Variants in PPP1R37 observed in about 807,000 individuals in gnomAD.
PPP1R37 encodes the protein protein phosphatase 1 regulatory subunit 37.
PPP1R37 carries 21 observed loss-of-function variants against 61.0 expected under a neutral mutation model. The ratio of observed to expected loss-of-function variants is 0.34; its 90% CI spans 0.24 to 0.50. The LOEUF (loss-of-function observed/expected upper bound fraction) is 0.50. Ranked by LOEUF, PPP1R37 falls within the 20% of genes least tolerant of loss-of-function variation. The probability of loss-of-function intolerance (pLI) is 0.98; values close to 1 mark genes in which losing one functional copy is unlikely to be tolerated. For missense variants in PPP1R37, 910 were observed against 952.7 expected (o/e 0.96, Z 0.59); for synonymous variants, 443 against 433.5 (o/e 1.02, Z -0.27).
At chr19:45,132,297 T>C (rs1968487531) in intron 1 of PPP1R37, among the ~76,000 whole-genome samples, 1 of 152,000 alleles carries the variant, frequency 6.6e-6, no homozygotes, top group African/African-American at 2.4e-5. Context: ...TAAGGAGCAG[T>C]TACGTATTTT....
chr19:45,098,083 G>C (rs1968016586), intron 1 of PPP1R37, among the ~76,000 whole-genome samples: 1 of 152,224 alleles, frequency 6.6e-6, no homozygotes, highest in South Asian at 2.1e-4. Flanking sequence ...AACCTGCTGG[G>C]GGCAGGTCTC....
At chr19:45,144,801 G>C in intron 8 of PPP1R37, 53 bp from the exon 9 acceptor site, 8 of 1,439,878 alleles carry the variant, frequency 5.6e-6, no homozygotes, top group Non-Finnish European at 7.4e-6. Flanking sequence ...TGGCCTCCTG[G>C]GTCTCCTCCG....
chr19:45,127,897 C>T (rs12461749), intron 1 of PPP1R37, among the ~76,000 whole-genome samples: 4,422 of 150,832 alleles, frequency 0.029, 216 homozygotes, highest in African/African-American at 0.1. Context: ...ATCCCTTGAA[C>T]CCGGGAGGCA....
intron 1 of PPP1R37, among the ~76,000 whole-genome samples, chr19:45,097,148 T>G (rs889892368): frequency 6.6e-6 from 1 of 151,098 alleles, no homozygotes; most frequent in Non-Finnish European, 1.5e-5. Flanking sequence ...GCCCAGAGGG[T>G]CTGGGGCTGG....
At position 45,145,576 on chromosome 19, in the gene PPP1R37, C is replaced by G. The variant is rs1968681466; in HGVS notation, c.1520C>G (p.Ser507Ter). Residue 507 changes from serine (S) to a stop codon, truncating the protein, a stop_gained, in exon 11 of 13, where the codon TCA becomes TGA. Coordinates refer to ENST00000221462, the MANE Select transcript of PPP1R37 (RefSeq NM_019121.2). LOFTEE classifies it high-confidence loss of function. ...CCCGCACCCAGCCCGGACTCAGACT[C>G]AGACTCGGACTCGGATGGGGAGGAA... The part of the protein sequence containing the change: ...PSPAPSPDSD[S>*]DSDSDGEEEE... 1 of 1,535,738 alleles carries G rather than the reference C, an allele frequency of 6.5e-7. No homozygotes were observed. Among genetic ancestry groups the G allele is most frequent in the Non-Finnish European group, 8.7e-7 (1 of 1,146,780 alleles).
At chr19:45,146,531 C>G (rs997453695) in intron 12 of PPP1R37, 40 bp from the exon 13 acceptor site, 8 of 1,294,924 alleles carry the variant, frequency 6.2e-6, no homozygotes, top group Non-Finnish European at 8.6e-6. Flanking sequence ...GAGAGAGCCT[C>G]TGGCTCTGAC....
At chr19:45,119,786 G>A (rs1420652141) in intron 1 of PPP1R37, among the ~76,000 whole-genome samples, 1 of 152,134 alleles carries the variant, frequency 6.6e-6, no homozygotes, top group East Asian at 1.9e-4. Context: ...CATGAGAGGT[G>A]GTGGGTGTGG....
chr19:45,140,695 G>A, intron 4 of PPP1R37, 89 bp downstream of exon 4: 1 of 995,006 alleles, frequency 1.0e-6, no homozygotes, highest in Non-Finnish European at 1.5e-6. Context: ...CAGGAGGAGG[G>A]GGTCCCCTAG....
Position 45,093,355 on chromosome 19 carries a change from C to G in PPP1R37, c.30C>G (p.Pro10=), listed in dbSNP as rs945436424. The G allele has an allele frequency of 1.3e-6, 2 of 1,505,392 alleles. No homozygotes were observed. Among genetic ancestry groups the G allele is most frequent in the African/African-American group, 1.4e-5 (1 of 70,162 alleles). 93.3% of individuals were successfully genotyped at this position (1,505,392 alleles called of 1,614,324 possible). Residue 10 remains proline (P), a synonymous_variant, in exon 1 of 13, where the codon CCC becomes CCG. Transcript: ENST00000221462. MEIAPQEAP[P]VPGADGDIEE... ...AGATCGCGCCGCAGGAGGCGCCGCCCGTGCCGGGCGCGGACGGCGACATTG... is the reference window on the plus strand; with the variant it reads ...AGATCGCGCCGCAGGAGGCGCCGCCGGTGCCGGGCGCGGACGGCGACATTG...
chr19:45,146,510 C>G (rs975848560), intron 12 of PPP1R37, 30 bp downstream of exon 12: 25 of 1,457,880 alleles, frequency 1.7e-5, no homozygotes, highest in Admixed American at 4.0e-5. Flanking sequence ...CCACAGCACT[C>G]GGGAGGAGCT....
At chr19:45,141,109 G>T (rs748959915) in intron 4 of PPP1R37, among the ~76,000 whole-genome samples, 20 of 152,184 alleles carry the variant, frequency 1.3e-4, no homozygotes, top group Non-Finnish European at 2.8e-4. Context: ...ACTTTGGAGG[G>T]CAAGTGACAG....
At chr19:45,140,778 T>G (rs1968601078) in intron 4 of PPP1R37, 172 bp downstream of exon 4, 2 of 603,346 alleles carry the variant, frequency 3.3e-6, no homozygotes, top group African/African-American at 3.7e-5. Context: ...ATGACCAGAG[T>G]GGATGTGGAG....
At chr19:45,116,141 C>T (rs909466181) in intron 1 of PPP1R37, among the ~76,000 whole-genome samples, 6 of 152,210 alleles carry the variant, frequency 3.9e-5, no homozygotes, top group Non-Finnish European at 7.3e-5. Context: ...AGGGAAGGTG[C>T]GCCCAATCTG....
chr19:45,117,132 C>T (rs1308592919), intron 1 of PPP1R37, among the ~76,000 whole-genome samples: 4 of 151,982 alleles, frequency 2.6e-5, no homozygotes, highest in East Asian at 1.9e-4. Flanking sequence ...AGGCTGGTCT[C>T]GAACTCCTGA....
chr19:45,131,987 A>T (rs1286438480), intron 1 of PPP1R37, among the ~76,000 whole-genome samples: 3 of 152,058 alleles, frequency 2.0e-5, no homozygotes, highest in African/African-American at 7.2e-5. Context: ...CAGGCCAGGG[A>T]TGGAACTCAG....
At chr19:45,135,089 A>ATT (rs1968522251) in intron 1 of PPP1R37, among the ~76,000 whole-genome samples, 1 of 152,172 alleles carries the variant, frequency 6.6e-6, no homozygotes, top group Non-Finnish European at 1.5e-5. Context: ...CTCTACTAAA[A>ATT]ATGCAAAAAT....
intron 1 of PPP1R37, among the ~76,000 whole-genome samples, chr19:45,105,528 C>G (rs976374850): frequency 6.6e-6 from 1 of 152,168 alleles, no homozygotes; most frequent in African/African-American, 2.4e-5. Context: ...GATAATTGAT[C>G]TGCCGTGTAC....
At chr19:45,105,794 G>A (rs935029120) in intron 1 of PPP1R37, among the ~76,000 whole-genome samples, 17 of 152,216 alleles carry the variant, frequency 1.1e-4, no homozygotes, top group Non-Finnish European at 2.9e-5. Flanking sequence ...TGCTGGACAA[G>A]TCCCAGGGGG....
In PPP1R37 at chr19:45,121,208, G is replaced by A. The variant is rs1968338634; in HGVS notation, c.203-17306G>A. On this transcript the variant is annotated intron_variant, in intron 1 of 12. Transcript: ENST00000221462. The surrounding 1 kb of genome is among the most constrained non-coding windows in gnomAD (Gnocchi z 4.2). The stretch of plus-strand genomic sequence containing the variant: ...TGCCACTGGGGATTGTAGGAGTGGT[G>A]GGAGAGCGTGGGGATGATTACTGTT... Among the ~76,000 whole-genome samples the A allele has an allele frequency of 6.6e-6, 1 of 152,226 alleles. No homozygotes were observed. The highest frequency in any genetic ancestry group is 2.1e-4 in the South Asian group (1 of 4,826).
Sources: allele counts gnomAD v4.1 joint callset (sites outside exome capture counted in the v4.1 genomes callset), GRCh38; gene constraint gnomAD v4.1.1; non-coding constraint Gnocchi (gnomAD v3.1); transcripts MANE v1.5; gene names NCBI Gene and HGNC (gene_info 2026-07-23, HGNC 2026-07-21).